Variants in KCNIP3 observed in about 807,000 individuals in gnomAD.
The protein encoded by KCNIP3 is potassium voltage-gated channel interacting protein 3, also known as calsenilin.
KCNIP3 carries 28 observed loss-of-function variants against 35.0 expected under a neutral mutation model. The ratio of observed to expected loss-of-function variants is 0.80; its 90% confidence interval spans 0.59 to 1.10. KCNIP3 has a LOEUF of 1.10. Ranked by LOEUF, KCNIP3 falls within the 50% of genes least tolerant of loss-of-function variation. The pLI, the probability that KCNIP3 is intolerant of heterozygous loss-of-function variation, is 0.00. For missense variants in KCNIP3, 295 were observed against 338.4 expected (o/e 0.87, Z 1.01); for synonymous variants, 134 against 133.8 (o/e 1.00, Z -0.01).
At chr2:95,324,105 T>C (rs1573489924) in intron 2 of KCNIP3, among the ~76,000 whole-genome samples, 1 of 152,146 alleles carries the variant, frequency 6.6e-6, no homozygotes, top group African/African-American at 2.4e-5. Flanking sequence ...GGGGCCTCTG[T>C]GGGGAATGAG....
intron 2 of KCNIP3, among the ~76,000 whole-genome samples, chr2:95,326,578 C>T (rs1375814309): frequency 6.6e-6 from 1 of 152,348 alleles, no homozygotes; most frequent in East Asian, 1.9e-4. Context: ...TGCTGCACTG[C>T]GGCTGTGCTT....
At chr2:95,383,131 ACCCGCC>A in intron 7 of KCNIP3, 95 bp from the exon 8 acceptor site, 1 of 295,836 alleles carries the variant, frequency 3.4e-6, no homozygotes, top group Non-Finnish European at 7.1e-6. Flanking sequence ...CCATCCACCC[ACCCGCC>A]CATCCACCCA....
intron 2 of KCNIP3, among the ~76,000 whole-genome samples, chr2:95,317,852 G>A (rs1485610638): frequency 6.6e-6 from 1 of 152,232 alleles, no homozygotes; most frequent in Admixed American, 6.5e-5. Flanking sequence ...AAGGATGGCA[G>A]GGTGCGGCCC....
intron 2 of KCNIP3, among the ~76,000 whole-genome samples, chr2:95,331,383 G>C (rs1163058173): frequency 2.0e-5 from 3 of 152,124 alleles, no homozygotes; most frequent in Non-Finnish European, 2.9e-5. Flanking sequence ...GGAGGAGGGG[G>C]CTTGGTGGTA....
chr2:95,360,743 C>G (rs1558774121), intron 2 of KCNIP3, among the ~76,000 whole-genome samples: 1 of 150,670 alleles, frequency 6.6e-6, no homozygotes, highest in Non-Finnish European at 1.5e-5. Context: ...GACAGACAGA[C>G]AGAGAGAGAG....
chr2:95,356,317 T>C (rs185661396), intron 2 of KCNIP3, among the ~76,000 whole-genome samples: 1 of 152,336 alleles, frequency 6.6e-6, no homozygotes, highest in Non-Finnish European at 1.5e-5. Context: ...ACTCTGATGG[T>C]AGTTTATTTT....
chr2:95,346,060 A>G (rs367698779), intron 2 of KCNIP3, among the ~76,000 whole-genome samples: 38 of 152,238 alleles, frequency 2.5e-4, no homozygotes, highest in African/African-American at 8.7e-4. Context: ...GCCAAAGCCC[A>G]CACTTTCCCT....
At chr2:95,346,948 C>G (rs1442204426) in intron 2 of KCNIP3, 11 of 1,107,760 alleles carry the variant, frequency 9.9e-6, no homozygotes, top group Non-Finnish European at 1.2e-5. Flanking sequence ...TGCAGGGGCC[C>G]CGGTGCCTCC....
intron 2 of KCNIP3, among the ~76,000 whole-genome samples, chr2:95,366,019 T>C (rs1679908319): frequency 6.6e-6 from 1 of 152,150 alleles, no homozygotes; most frequent in East Asian, 1.9e-4. Context: ...GGGGTCTCTG[T>C]CGCCCAGACT....
Position 95,310,709 on chromosome 2 carries a change from C to T in KCNIP3, c.181+189C>T, listed in dbSNP as rs909971306. The stretch of plus-strand genomic sequence containing the variant: ...CATTGAGTGCCTGCTTCACACAGGC[C>T]ACTGAGCTCCCAGTGGGACCCACAG... On this transcript the variant is annotated intron_variant, in intron 2 of 8. Transcript: ENST00000295225. The T allele has an allele frequency of 4.4e-5, 28 of 638,596 alleles. No homozygotes were observed. The Admixed American group carries it at 6.3e-4, about 14-fold the overall frequency. 39.6% of individuals were successfully genotyped at this position (638,596 alleles called of 1,614,324 possible). A position where few individuals can be genotyped will look rare whatever the true frequency, so the allele number is the denominator to read the frequency against.
intron 2 of KCNIP3, among the ~76,000 whole-genome samples, chr2:95,318,662 T>C (rs1417012660): frequency 6.6e-6 from 1 of 152,086 alleles, no homozygotes; most frequent in Non-Finnish European, 1.5e-5. Flanking sequence ...GCCACGGGGC[T>C]ACGAAGCAGG....
chr2:95,369,086 G>A (rs1220661105), intron 2 of KCNIP3, among the ~76,000 whole-genome samples: 1 of 152,200 alleles, frequency 6.6e-6, no homozygotes, highest in African/African-American at 2.4e-5. Flanking sequence ...TTACCGTTAA[G>A]AATGATGTTA....
intron 2 of KCNIP3, among the ~76,000 whole-genome samples, chr2:95,334,805 C>A (rs1266617586): frequency 6.6e-6 from 1 of 152,184 alleles, no homozygotes; most frequent in Non-Finnish European, 1.5e-5. Context: ...GTTCCCCTTC[C>A]ATTGCCTGTT....
At chr2:95,359,671 A>G (rs551285422) in intron 2 of KCNIP3, among the ~76,000 whole-genome samples, 144 of 152,336 alleles carry the variant, frequency 9.5e-4, no homozygotes, top group Non-Finnish European at 1.4e-3. Flanking sequence ...CTGGACCCCC[A>G]GTCTGTCTGA....
At chr2:95,374,969 C>A (rs772601720) in intron 4 of KCNIP3, 52 bp downstream of exon 4, 1 of 1,587,290 alleles carries the variant, frequency 6.3e-7, no homozygotes, top group Admixed American at 1.7e-5. Context: ...AGGGAGGGGA[C>A]CCTCCTGCTG....
At chr2:95,381,508 G>GT in intron 5 of KCNIP3, 88 bp from the exon 6 acceptor site, 1 of 938,226 alleles carries the variant, frequency 1.1e-6, no homozygotes, top group Non-Finnish European at 1.7e-6. Flanking sequence ...TGTTGGAGGC[G>GT]TGAATTTCAG....
At chr2:95,345,971 G>A (rs1217476675) in intron 2 of KCNIP3, among the ~76,000 whole-genome samples, 1 of 152,150 alleles carries the variant, frequency 6.6e-6, no homozygotes, top group Non-Finnish European at 1.5e-5. Context: ...CGGAGCAGGC[G>A]GCGGCGGCTG....
chr2:95,301,317 G>A (rs1336404944), intron 1 of KCNIP3, among the ~76,000 whole-genome samples: 1 of 152,252 alleles, frequency 6.6e-6, no homozygotes, highest in Non-Finnish European at 1.5e-5. Flanking sequence ...AATGTCCATG[G>A]GTCTTGCGCA....
intron 2 of KCNIP3, among the ~76,000 whole-genome samples, chr2:95,361,615 G>C (rs929036413): frequency 6.6e-6 from 1 of 152,176 alleles, no homozygotes; most frequent in South Asian, 2.1e-4. Flanking sequence ...GTGCCCAACA[G>C]GTGTAAACAT....
Sources: allele counts gnomAD v4.1 joint callset (sites outside exome capture counted in the v4.1 genomes callset), GRCh38; gene constraint gnomAD v4.1.1; transcripts MANE v1.5; gene names NCBI Gene and HGNC (gene_info 2026-07-23, HGNC 2026-07-21).